Variants in APLF observed in about 807,000 individuals in gnomAD.
The protein encoded by APLF is aprataxin and PNKP like factor, also known as aprataxin and PNK-like factor.
Under a neutral mutation model 55.6 loss-of-function variants are expected in APLF, and 61 were observed. The ratio of observed to expected loss-of-function variants is 1.10; its 90% CI spans 0.89 to 1.36. The LOEUF is 1.36. Ranked by LOEUF, APLF falls within the 40% of genes most tolerant of loss-of-function variation. The pLI, the probability that APLF is intolerant of heterozygous loss-of-function variation, is 0.00. For missense variants in APLF, 611 were observed against 602.5 expected (o/e 1.01, Z -0.15); for synonymous variants, 207 against 214.8 (o/e 0.96, Z 0.32).
chr2:68,483,100 T>C (rs1052570937), intron 1 of APLF, among the ~76,000 whole-genome samples: 1 of 152,128 alleles, frequency 6.6e-6, no homozygotes, highest in African/African-American at 2.4e-5. Flanking sequence ...ACACAGTGGC[T>C]ATTGGCCCCC....
intron 3 of APLF, among the ~76,000 whole-genome samples, chr2:68,511,003 G>A (rs1008999637): frequency 1.3e-5 from 2 of 151,818 alleles, no homozygotes; most frequent in African/African-American, 4.8e-5. Flanking sequence ...TAATGGTTGC[G>A]AGGAGCAGGA....
chr2:68,567,390 A>T lies in APLF; in HGVS notation c.1333+3A>T. On this transcript the variant is annotated splice_donor_region_variant and intron_variant, in intron 9 of 9. Transcript: ENST00000303795. Reference sequence around the variant, plus strand: ...ATATAGACATAATACGCTTCCAGGTAAGTAAGTTTACTTCAGAAAATTCAA... The same window carrying T: ...ATATAGACATAATACGCTTCCAGGTTAGTAAGTTTACTTCAGAAAATTCAA... 5 of 1,595,092 alleles carry T rather than the reference A, an allele frequency of 3.1e-6. No homozygotes were observed.
chr2:68,506,354 G>A (rs1676873008), intron 3 of APLF, among the ~76,000 whole-genome samples: 1 of 151,120 alleles, frequency 6.6e-6, no homozygotes, highest in South Asian at 2.1e-4. Flanking sequence ...TTCCAGAGAG[G>A]GAGAGTCCAC....
chr2:68,518,059 A>G (rs1669691535), intron 5 of APLF, among the ~76,000 whole-genome samples: 4 of 136,000 alleles, frequency 2.9e-5, no homozygotes, highest in Admixed American at 2.4e-4. Flanking sequence ...TATCATTAAT[A>G]TATAATATAT....
intron 8 of APLF, among the ~76,000 whole-genome samples, chr2:68,566,541 A>G (rs938169758): frequency 3.9e-5 from 6 of 152,092 alleles, no homozygotes; most frequent in African/African-American, 1.2e-4. Context: ...CACTCCTGAC[A>G]CAGGTATATT....
intron 9 of APLF, among the ~76,000 whole-genome samples, chr2:68,576,394 A>G (rs1468452685): frequency 3.0e-4 from 46 of 152,188 alleles, no homozygotes; most frequent in Non-Finnish European, 2.9e-5. Flanking sequence ...ATATACAGAT[A>G]TATGTAATGC....
rs1671662507 is a variant in APLF at position 68,577,816 on chromosome 2, G to A, written c.1334-4G>A. 1.2e-6 allele frequency: 2 copies of A among 1,612,646 alleles called. No homozygotes were observed. The highest frequency in any genetic ancestry group is 1.7e-6 in the Non-Finnish European group (2 of 1,179,226). ...GTGTTGTGTACCAATCTTCTGTTTTGCAGTGAGAAATGTTTTAGATGAAGA... is the reference window on the plus strand; with the variant it reads ...GTGTTGTGTACCAATCTTCTGTTTTACAGTGAGAAATGTTTTAGATGAAGA... On this transcript the variant is annotated splice_region_variant and splice_polypyrimidine_tract_variant and intron_variant, in intron 9 of 9. Transcript: ENST00000303795.
At chr2:68,517,533 A>C (rs1274783734) in intron 5 of APLF, among the ~76,000 whole-genome samples, 2 of 142,078 alleles carry the variant, frequency 1.4e-5, no homozygotes, top group African/African-American at 5.1e-5. Flanking sequence ...AATATATGTT[A>C]TTAACATATG....
At chr2:68,565,518 C>CATAG (rs1671283156) in intron 8 of APLF, among the ~76,000 whole-genome samples, 1 of 102,528 alleles carries the variant, frequency 9.8e-6, no homozygotes, top group Non-Finnish European at 1.9e-5. Flanking sequence ...CAGATAGATA[C>CATAG]ATACATACAT....
intron 8 of APLF, among the ~76,000 whole-genome samples, chr2:68,554,459 G>C (rs1670950757): frequency 1.3e-5 from 2 of 152,044 alleles, no homozygotes; most frequent in Middle Eastern, 3.2e-3. Flanking sequence ...TGCCTGATGG[G>C]AATTGAGTTG....
chr2:68,552,247 C>A (rs563935747), intron 8 of APLF, among the ~76,000 whole-genome samples: 2 of 152,168 alleles, frequency 1.3e-5, no homozygotes, highest in Admixed American at 6.6e-5. Context: ...AAATTTCAGA[C>A]CCTCAGCCTC....
At chr2:68,560,039 A>G (rs1671127073) in intron 8 of APLF, among the ~76,000 whole-genome samples, 1 of 151,988 alleles carries the variant, frequency 6.6e-6, no homozygotes, top group Non-Finnish European at 1.5e-5. Context: ...ATATAAAGAC[A>G]TTTGCTATTT....
At position 68,578,987 on chromosome 2, in the gene APLF, G is replaced by A. The variant is rs72903952; in HGVS notation, c.*965G>A. 27,269 of 984,462 alleles carry A rather than the reference G, an allele frequency of 0.028. 2,015 individuals are homozygous for A. The highest frequency in any genetic ancestry group is 0.25 in the African/African-American group (14,362 of 57,226). 61.0% of individuals were successfully genotyped at this position (984,462 alleles called of 1,614,324 possible). A position where few individuals can be genotyped will look rare whatever the true frequency, so the allele number is the denominator to read the frequency against. On this transcript the variant is annotated 3_prime_UTR_variant, in exon 10 of 10. Transcript: ENST00000303795. Reference sequence around the variant, plus strand: ...AGCCCTATAATGCTCTTCATATTACGTGACTTTGAATTGTTAAAATGTAGT... The same window carrying A: ...AGCCCTATAATGCTCTTCATATTACATGACTTTGAATTGTTAAAATGTAGT...
rs1671670372 is a variant in APLF at position 68,578,162 on chromosome 2, A to G, written c.*140A>G. 7.0e-7 allele frequency: 1 copy of G among 1,420,518 alleles called. No individual in the cohort carries two copies. The allele number at this position is 1,420,518 out of a possible 1,614,324, so 88.0% of individuals were successfully genotyped here. ...GACTTTTACTACTGACTCTTTACAA[A>G]TGAGACATTGAAACGTCAGCCTTCA... On this transcript the variant is annotated 3_prime_UTR_variant, in exon 10 of 10. Coordinates refer to ENST00000303795, the MANE Select transcript of APLF (RefSeq NM_173545.3).
chr2:68,495,600 C>T (rs1441552327), intron 2 of APLF, among the ~76,000 whole-genome samples: 1 of 152,234 alleles, frequency 6.6e-6, no homozygotes, highest in Non-Finnish European at 1.5e-5. Flanking sequence ...CCTCTTCTCA[C>T]AGCTCTACTA....
At chr2:68,495,315 T>C (rs1676508458) in intron 2 of APLF, among the ~76,000 whole-genome samples, 1 of 152,136 alleles carries the variant, frequency 6.6e-6, no homozygotes, top group Admixed American at 6.5e-5. Flanking sequence ...TAAGAAACAA[T>C]GGGGGTATAG....
chr2:68,513,474 T>C, intron 4 of APLF, 74 bp from the exon 5 acceptor site: 1 of 1,516,652 alleles, frequency 6.6e-7, no homozygotes, highest in Non-Finnish European at 9.0e-7. Flanking sequence ...ATGGTAGTAT[T>C]CTGCAAAGCA....
intron 8 of APLF, among the ~76,000 whole-genome samples, chr2:68,555,446 A>G (rs1433672567): frequency 6.6e-6 from 1 of 152,158 alleles, no homozygotes; most frequent in Non-Finnish European, 1.5e-5. Flanking sequence ...TCTACAATGA[A>G]TTCAAACAAA....
chr2:68,486,420 C>G (rs946010186), intron 1 of APLF, among the ~76,000 whole-genome samples: 4 of 152,100 alleles, frequency 2.6e-5, no homozygotes, highest in Admixed American at 6.5e-5. Flanking sequence ...AGCTTGGCCT[C>G]TGCAATGTTG....
Sources: allele counts gnomAD v4.1 joint callset (sites outside exome capture counted in the v4.1 genomes callset), GRCh38; gene constraint gnomAD v4.1.1; transcripts MANE v1.5; gene names NCBI Gene and HGNC (gene_info 2026-07-23, HGNC 2026-07-21).